Variants in ASS1 observed in about 807,000 individuals in gnomAD.
ASS1 encodes argininosuccinate synthase 1.
In ASS1, 58 loss-of-function variants were observed where a neutral mutation model predicts 60.5. The observed-to-expected ratio is 0.96, with a 90% CI of 0.78 to 1.19. The LOEUF is 1.19. Among genes scored for constraint, ASS1 ranks in the 50% most tolerant of loss-of-function variants. The probability of loss-of-function intolerance (pLI) is 0.00; values close to 1 mark genes in which losing one functional copy is unlikely to be tolerated. For synonymous variants in ASS1, 200 were observed against 206.9 expected (o/e 0.97, Z 0.29); for missense variants, 454 against 547.3 (o/e 0.83, Z 1.70).
rs969024473 is a variant in ASS1 at position 130,476,060 on chromosome 9, T to G, written c.598-811T>G. Among the ~76,000 whole-genome samples, 4 of 152,116 alleles carry G rather than the reference T, an allele frequency of 2.6e-5. No homozygotes were observed. Among genetic ancestry groups the G allele is most frequent in the African/African-American group, 9.7e-5 (4 of 41,402 alleles). ...AGGTGTGAGCCACTGTGCCCAGCCG[T>G]CTGCAAGGTTTTTAAAGCAAAGATG... On this transcript the variant is annotated intron_variant, in intron 8 of 14. Coordinates refer to ENST00000352480, the MANE Select transcript of ASS1 (RefSeq NM_054012.4). The surrounding 1 kb of genome is among the most constrained non-coding windows in gnomAD (Gnocchi z 4.9).
rs1388913573 is a variant in ASS1, at chr9:130,476,270, C to G, written c.598-601C>G. Reference sequence around the variant, plus strand: ...AATTTCGAGAGTTTCAGGCAACACGCAGCCCCTCCACCACTGCATCAGACG... The same window carrying G: ...AATTTCGAGAGTTTCAGGCAACACGGAGCCCCTCCACCACTGCATCAGACG... On this transcript the variant is annotated intron_variant, in intron 8 of 14. Coordinates refer to ENST00000352480, the MANE Select transcript of ASS1 (RefSeq NM_054012.4). This position sits in a 1 kb window ranked among gnomAD's most constrained non-coding sequence, Gnocchi z 4.9. 6.5e-6 allele frequency: 1 copy of G among 155,038 alleles called. No individual in the cohort carries two copies. The highest frequency in any genetic ancestry group is 1.4e-5 in the Non-Finnish European group (1 of 69,948). 9.6% of individuals were successfully genotyped at this position (155,038 alleles called of 1,614,324 possible).
rs2131867594 is a variant in ASS1, at chr9:130,452,353, GTC to G, written c.105+22_105+23del. 6.2e-7 allele frequency: 1 copy of G among 1,604,554 alleles called. No homozygotes were observed. The highest frequency in any genetic ancestry group is 2.2e-5 in the East Asian group (1 of 44,818). On this transcript the variant is annotated intron_variant, in intron 2 of 14. Coordinates refer to ENST00000352480, the MANE Select transcript of ASS1 (RefSeq NM_054012.4). ...TATCTGGTGAGGGAGCGACCTGGGT[GTC>G]TGTCTTCCTGCGTGTCCTGCAACCT...
chr9:130,477,457 G>A lies in ASS1; in HGVS notation c.688+496G>A, dbSNP rs577872247. Among the ~76,000 whole-genome samples the A allele has an allele frequency of 3.3e-5, 5 of 152,288 alleles. No individual in the cohort carries two copies. The highest frequency in any genetic ancestry group is 7.2e-5 in the African/African-American group (3 of 41,568). The stretch of plus-strand genomic sequence containing the variant: ...AGCCTTCGCCAGTCTTCATTGAGCC[G>A]CTCTGGGCCTCACCCTGCTGACCCC... On this transcript the variant is annotated intron_variant, in intron 9 of 14. Transcript: ENST00000352480. This position sits in a 1 kb window ranked among gnomAD's most constrained non-coding sequence, Gnocchi z 4.2.
rs984207124 is a variant in ASS1, at chr9:130,478,938, G to A, written c.689-778G>A. The stretch of plus-strand genomic sequence containing the variant: ...TTGGCACCCGATGGCTCGCTCCATG[G>A]TAATGAGCCGGGCAGATGGGTGGGG... On this transcript the variant is annotated intron_variant, in intron 9 of 14. Transcript: ENST00000352480. The surrounding 1 kb of genome is among the most constrained non-coding windows in gnomAD (Gnocchi z 4.7). Among the ~76,000 whole-genome samples, 7 of 152,228 alleles carry A rather than the reference G, an allele frequency of 4.6e-5. No homozygotes were observed. The highest frequency in any genetic ancestry group is 1.7e-4 in the African/African-American group (7 of 41,458).
intron 1 of ASS1, among the ~76,000 whole-genome samples, chr9:130,450,900 G>A (rs775357342): frequency 5.3e-5 from 8 of 152,348 alleles, no homozygotes; most frequent in Admixed American, 2.0e-4. Flanking sequence ...CAGTGGAAAC[G>A]TTCCCAGGCA....
Position 130,476,804 on chromosome 9 carries a change from G to C in ASS1, c.598-67G>C. 2.1e-6 allele frequency: 3 copies of C among 1,431,402 alleles called. No homozygotes were observed. In the South Asian group the frequency reaches 3.4e-5, roughly 16 times the overall value. 88.7% of individuals were successfully genotyped at this position (1,431,402 alleles called of 1,614,324 possible). On this transcript the variant is annotated intron_variant, in intron 8 of 14. Coordinates refer to ENST00000352480, the MANE Select transcript of ASS1 (RefSeq NM_054012.4). This position sits in a 1 kb window ranked among gnomAD's most constrained non-coding sequence, Gnocchi z 4.9. Reference sequence around the variant, plus strand: ...GAGGAGAGGGGTGCAGATCCCCGCGGGAGGTGGGCTGTAGGGTGTCCAGGG... The same window carrying C: ...GAGGAGAGGGGTGCAGATCCCCGCGCGAGGTGGGCTGTAGGGTGTCCAGGG...
At chr9:130,482,798 G>A (rs1758609640) in intron 11 of ASS1, among the ~76,000 whole-genome samples, 1 of 152,210 alleles carries the variant, frequency 6.6e-6, no homozygotes, top group Non-Finnish European at 1.5e-5. Flanking sequence ...CCCACCTGGG[G>A]AAAGCTTCCT....
In ASS1 at chr9:130,474,513, G is replaced by T. The variant is rs113530975; in HGVS notation, c.598-2358G>T. Among the ~76,000 whole-genome samples, 1,051 of 152,320 alleles carry T rather than the reference G, an allele frequency of 6.9e-3. 13 individuals are homozygous for T. The highest frequency in any genetic ancestry group is 0.024 in the African/African-American group (1,017 of 41,570). ...GGGCTTGGGTGGGAGTGGGGCCCTC[G>T]TACCGGCACCCTGGTTGGAGGCTTG... On this transcript the variant is annotated intron_variant, in intron 8 of 14. Transcript: ENST00000352480.
At position 130,494,341 on chromosome 9, in the gene ASS1, A is replaced by G. The variant is rs1325998705; in HGVS notation, c.971-526A>G. ...CATGAAATATTACTGTGACATCCCC[A>G]CTCAACAGATGGGGAAACAGAGGCA... On this transcript the variant is annotated intron_variant, in intron 12 of 14. Transcript: ENST00000352480. This position sits in a 1 kb window ranked among gnomAD's most constrained non-coding sequence, Gnocchi z 4.3. Among the ~76,000 whole-genome samples, 4 of 152,104 alleles carry G rather than the reference A, an allele frequency of 2.6e-5. No individual in the cohort carries two copies. Among genetic ancestry groups the G allele is most frequent in the Non-Finnish European group, 4.4e-5 (3 of 68,022 alleles).
At chr9:130,448,891 T>C (rs1845260462) in intron 1 of ASS1, among the ~76,000 whole-genome samples, 1 of 152,086 alleles carries the variant, frequency 6.6e-6, no homozygotes, top group Non-Finnish European at 1.5e-5. Flanking sequence ...ACTCCACAGC[T>C]TCAGGGCACC....
Position 130,475,560 on chromosome 9 carries a change from A to G in ASS1, c.598-1311A>G, listed in dbSNP as rs556604329. 5.3e-5 allele frequency among the ~76,000 whole-genome samples: 8 copies of G among 152,254 alleles called. No homozygotes were observed. The East Asian group carries it at 1.2e-3, about 22-fold the overall frequency. ...TCGCGGGGCTCCTGTCCTGAGTGCC[A>G]GGGAACAAGTCCCACGTGGTCTCTG... On this transcript the variant is annotated intron_variant, in intron 8 of 14. Coordinates refer to ENST00000352480, the MANE Select transcript of ASS1 (RefSeq NM_054012.4).
intron 8 of ASS1, among the ~76,000 whole-genome samples, chr9:130,472,800 G>A (rs566037): frequency 0.91 from 138,539 of 152,240 alleles, 64,376 homozygotes; most frequent in East Asian, 1. Flanking sequence ...GAGCCTGCAG[G>A]GTGGCTTCCA....
chr9:130,495,304 T>G (rs947617821), intron 13 of ASS1, among the ~76,000 whole-genome samples: 1 of 151,800 alleles, frequency 6.6e-6, no homozygotes, highest in African/African-American at 2.4e-5. Flanking sequence ...TGGGATTGGC[T>G]AGGAGGGGTG....
Position 130,489,268 on chromosome 9 carries a change from A to G in ASS1, c.839-65A>G. On this transcript the variant is annotated intron_variant, in intron 11 of 14. Coordinates refer to ENST00000352480, the MANE Select transcript of ASS1 (RefSeq NM_054012.4). This position sits in a 1 kb window ranked among gnomAD's most constrained non-coding sequence, Gnocchi z 4.1. ...TTATTTTTTTTTTTGTCATTTGCTG[A>G]CAGTTTGGGTTTCATGCGTTTCTCT... 6.3e-7 allele frequency: 1 copy of G among 1,586,254 alleles called. No individual in the cohort carries two copies.
chr9:130,454,491 G>C (rs1237567839), intron 3 of ASS1, 118 bp downstream of exon 3: 9 of 1,118,526 alleles, frequency 8.0e-6, no homozygotes, highest in African/African-American at 3.1e-5. Context: ...GCTTCTAAGA[G>C]TATGAGATCA....
intron 1 of ASS1, among the ~76,000 whole-genome samples, chr9:130,449,852 G>A (rs1359358274): frequency 6.6e-6 from 1 of 152,172 alleles, no homozygotes; most frequent in Non-Finnish European, 1.5e-5. Context: ...AAAAATATGC[G>A]ATTATTTTTG....
At chr9:130,490,375 G>A (rs942418514) in intron 12 of ASS1, among the ~76,000 whole-genome samples, 4 of 152,122 alleles carry the variant, frequency 2.6e-5, no homozygotes, top group Admixed American at 6.5e-5. Flanking sequence ...GTGCAATGGT[G>A]CGATCTTGGC....
intron 9 of ASS1, among the ~76,000 whole-genome samples, chr9:130,479,349 C>T (rs146938780): frequency 0.017 from 2,522 of 152,186 alleles, 38 homozygotes; most frequent in Non-Finnish European, 0.026. Flanking sequence ...CTCGGCCAGG[C>T]GGCCCCCGGG....
intron 5 of ASS1, among the ~76,000 whole-genome samples, chr9:130,465,034 T>A (rs982918882): frequency 7.9e-5 from 11 of 139,292 alleles, no homozygotes; most frequent in African/African-American, 1.6e-4. Context: ...TACATATGTT[T>A]TATATATATA....
Sources: gnomAD v4.1 joint callset for allele counts (sites outside exome capture counted in the v4.1 genomes callset) on GRCh38, gnomAD v4.1.1 for gene constraint, Gnocchi (gnomAD v3.1) non-coding constraint, MANE v1.5 for transcripts, NCBI Gene and HGNC (gene_info 2026-07-23, HGNC 2026-07-21) for gene names.